Variants in SLC24A2 observed in about 807,000 individuals in gnomAD.
SLC24A2 encodes the protein solute carrier family 24 member 2, also known as sodium/potassium/calcium exchanger 2.
Under a neutral mutation model 62.0 loss-of-function variants are expected in SLC24A2, and 36 were observed. The ratio of observed to expected loss-of-function variants is 0.58; its 90% CI spans 0.44 to 0.77. The LOEUF (loss-of-function observed/expected upper bound fraction) is 0.77, where lower values mean the gene tolerates loss of function less well. SLC24A2 is among the 30% of genes least tolerant of loss of function. SLC24A2 has a pLI of 0.00. For missense variants in SLC24A2, 846 were observed against 817.9 expected (o/e 1.03, Z -0.42); for synonymous variants, 358 against 294.0 (o/e 1.22, Z -2.23).
rs201762044 is a variant in SLC24A2 at position 19,535,371 on chromosome 9, C to T, written c.1480-7233G>A. Reference sequence around the variant, plus strand: ...CTTTAGTTTAATGAGATCCCAGTTGCCAATTTTGGCTTTTGTTGCCATTGC... The same window carrying T: ...CTTTAGTTTAATGAGATCCCAGTTGTCAATTTTGGCTTTTGTTGCCATTGC... On this transcript the variant is annotated intron_variant, in intron 8 of 10. Coordinates refer to ENST00000341998, the MANE Select transcript of SLC24A2 (RefSeq NM_020344.4). Among the ~76,000 whole-genome samples the T allele has an allele frequency of 1.1e-4, 16 of 152,142 alleles. 1 individual carries two copies. Among genetic ancestry groups the T allele is most frequent in the African/African-American group, 3.6e-4 (15 of 41,490 alleles).
the SLC24A2 span, among the ~76,000 whole-genome samples, chr9:19,898,347 C>CTGTTGACT: frequency 6.6e-6 from 1 of 152,220 alleles, no homozygotes; most frequent in East Asian, 1.9e-4. Context: ...GATCTCTTTT[C>CTGTTGACT]TGTTGACTTT....
the SLC24A2 span, among the ~76,000 whole-genome samples, chr9:19,829,763 ATATGTGTGTG>A: frequency 5.1e-3 from 391 of 76,144 alleles, 2 homozygotes; most frequent in East Asian, 0.03. Flanking sequence ...TTTTATATAT[ATATGTGTGTG>A]TGTGTGTGTG....
chr9:19,891,051 C>A, the SLC24A2 span, among the ~76,000 whole-genome samples: 1 of 152,232 alleles, frequency 6.6e-6, no homozygotes, highest in Non-Finnish European at 1.5e-5. Context: ...CCTTTGATTT[C>A]TCTTCTTTGC....
At chr9:19,998,976 C>G in the SLC24A2 span, among the ~76,000 whole-genome samples, 2 of 152,186 alleles carry the variant, frequency 1.3e-5, no homozygotes, top group Non-Finnish European at 1.5e-5. Flanking sequence ...GGCTGCAAGT[C>G]TCTTTGTGTG....
the SLC24A2 span, among the ~76,000 whole-genome samples, chr9:20,203,302 TG>T: frequency 1.3e-5 from 2 of 152,166 alleles, no homozygotes; most frequent in Non-Finnish European, 2.9e-5. Context: ...GATCTTTTTG[TG>T]GTGGTGGCAA....
At chr9:20,009,924 C>T in the SLC24A2 span, among the ~76,000 whole-genome samples, 1 of 152,134 alleles carries the variant, frequency 6.6e-6, no homozygotes, top group Admixed American at 6.5e-5. Flanking sequence ...AACAACAAGC[C>T]CAGAGACCTC....
the SLC24A2 span, among the ~76,000 whole-genome samples, chr9:20,242,045 C>G: frequency 2.6e-5 from 4 of 152,188 alleles, no homozygotes; most frequent in African/African-American, 9.7e-5. Context: ...TTTGATCATC[C>G]TCTCCACCAT....
chr9:20,261,733 CTTT>C, the SLC24A2 span, among the ~76,000 whole-genome samples: 4 of 75,282 alleles, frequency 5.3e-5, no homozygotes, highest in African/African-American at 2.2e-4. Flanking sequence ...AACACCAAAT[CTTT>C]TTTTTTTTTT....
At chr9:19,828,852 G>T in the SLC24A2 span, among the ~76,000 whole-genome samples, 1 of 152,130 alleles carries the variant, frequency 6.6e-6, no homozygotes, top group African/African-American at 2.4e-5. Context: ...GGGAGGGTCT[G>T]CTTGCTGCTC....
the SLC24A2 span, among the ~76,000 whole-genome samples, chr9:19,979,498 G>A: frequency 1.3e-5 from 2 of 152,170 alleles, no homozygotes; most frequent in Non-Finnish European, 2.9e-5. Context: ...TATTGTTTTA[G>A]GGCAGGTACT....
the SLC24A2 span, among the ~76,000 whole-genome samples, chr9:19,844,579 T>C: frequency 6.6e-6 from 1 of 152,146 alleles, no homozygotes; most frequent in Non-Finnish European, 1.5e-5. Context: ...GATTTAGTCA[T>C]AAATTCTTTC....
At chr9:19,649,001 CAAAAA>C (rs66653116) in intron 2 of SLC24A2, among the ~76,000 whole-genome samples, 2 of 108,800 alleles carry the variant, frequency 1.8e-5, no homozygotes, top group African/African-American at 3.4e-5. Context: ...GATTAAAAAC[CAAAAA>C]AAAAAAAAAA....
the SLC24A2 span, among the ~76,000 whole-genome samples, chr9:20,298,364 G>C: frequency 6.6e-6 from 1 of 152,158 alleles, no homozygotes. Context: ...AAGTAGCCAG[G>C]ATTACAGGCA....
At chr9:19,765,878 T>C (rs1822499409) in intron 2 of SLC24A2, among the ~76,000 whole-genome samples, 1 of 152,226 alleles carries the variant, frequency 6.6e-6, no homozygotes, top group South Asian at 2.1e-4. Flanking sequence ...CTGGATAATA[T>C]CCTGAAGTGT....
rs1832864821 is a variant in SLC24A2, at chr9:19,514,869, C to T, written c.*1284G>A. ...TGCCTTTCCAAGCATCGCTAAGTTG[C>T]CTCAACCCAAGCAGTGCTGATCAGA... On this transcript the variant is annotated 3_prime_UTR_variant, in exon 11 of 11. Transcript: ENST00000341998. 6.6e-6 allele frequency: 1 copy of T among 152,158 alleles called. No individual in the cohort carries two copies. The highest frequency in any genetic ancestry group is 2.4e-5 in the African/African-American group (1 of 41,432). The allele number at this position is 152,158 out of a possible 1,614,324, so 9.4% of individuals were successfully genotyped here. A position where few individuals can be genotyped will look rare whatever the true frequency, so the allele number is the denominator to read the frequency against.
At chr9:19,732,327 A>T (rs978771147) in intron 2 of SLC24A2, among the ~76,000 whole-genome samples, 1 of 151,710 alleles carries the variant, frequency 6.6e-6, no homozygotes, top group Admixed American at 6.6e-5. Context: ...TTCAGAGAAA[A>T]CTCTGACTTG....
intron 2 of SLC24A2, among the ~76,000 whole-genome samples, chr9:19,734,220 G>A (rs1406654451): frequency 2.6e-5 from 4 of 152,062 alleles, no homozygotes; most frequent in Non-Finnish European, 5.9e-5. Flanking sequence ...ATTTCTGATG[G>A]CTCTGTTCTG....
chr9:19,803,301 ATTTTCT>A, the SLC24A2 span, among the ~76,000 whole-genome samples: 1 of 152,174 alleles, frequency 6.6e-6, no homozygotes, highest in Non-Finnish European at 1.5e-5. Context: ...ATAAACAAAC[ATTTTCT>A]TTAAATGAAA....
the SLC24A2 span, among the ~76,000 whole-genome samples, chr9:19,831,429 C>A: frequency 6.6e-6 from 1 of 152,094 alleles, no homozygotes; most frequent in South Asian, 2.1e-4. Context: ...CATGAAATAC[C>A]TCCTTCCTGC....
Sources: allele counts gnomAD v4.1 joint callset (sites outside exome capture counted in the v4.1 genomes callset), GRCh38; gene constraint gnomAD v4.1.1; transcripts MANE v1.5; gene names NCBI Gene and HGNC (gene_info 2026-07-23, HGNC 2026-07-21).